The following PPP1R1C variants were observed in gnomAD, a reference collection of about 807,000 sequenced individuals.
PPP1R1C encodes protein phosphatase 1 regulatory inhibitor subunit 1C.
A neutral mutation model predicts 17.4 loss-of-function variants in PPP1R1C; 15 were observed. The ratio of observed to expected loss-of-function variants is 0.86; its 90% CI spans 0.58 to 1.33. PPP1R1C has a LOEUF of 1.33. Ranked by LOEUF, PPP1R1C falls within the 40% of genes most tolerant of loss-of-function variation. The pLI is 0.00. For missense variants in PPP1R1C, 143 were observed against 130.0 expected, an observed-to-expected ratio of 1.10 and a Z score of -0.48; for synonymous variants, 35 against 43.1, an observed-to-expected ratio of 0.81 and a Z score of 0.73.
chr2:181,986,338 A>G, intron 1 of PPP1R1C, 147 bp downstream of exon 1: 1 of 653,430 alleles, frequency 1.5e-6, no homozygotes, highest in Non-Finnish European at 2.7e-6. Context: ...TGGTTTTTAC[A>G]CATACTTGTA....
intron 1 of PPP1R1C, among the ~76,000 whole-genome samples, chr2:181,959,189 T>C (rs567568315): frequency 6.6e-6 from 1 of 152,362 alleles, no homozygotes; most frequent in South Asian, 2.1e-4. Context: ...TAGCTTGTTT[T>C]TTAAACTGTC....
At chr2:182,130,054 C>A (rs758488264), downstream of PPP1R1C, 14 of 152,008 alleles carry the variant, frequency 9.2e-5, no homozygotes, top group Admixed American at 1.3e-4. Flanking sequence ...TTAAAAATAA[C>A]CTTTATCATG....
intron 5 of PPP1R1C, among the ~76,000 whole-genome samples, chr2:182,123,361 T>C: frequency 6.6e-6 from 1 of 152,244 alleles, no homozygotes; most frequent in East Asian, 1.9e-4. Flanking sequence ...CCTTTAGGTA[T>C]GTACCCAGAA....
At chr2:182,084,522 G>A (rs1688572734) in intron 4 of PPP1R1C, among the ~76,000 whole-genome samples, 1 of 152,040 alleles carries the variant, frequency 6.6e-6, no homozygotes, top group Non-Finnish European at 1.5e-5. Flanking sequence ...ATTAAGTAGG[G>A]TGTCCTTTCC....
Position 182,051,948 on chromosome 2 carries a change from C to T in PPP1R1C, c.143-9494C>T, listed in dbSNP as rs530581446. Among the ~76,000 whole-genome samples, 20 of 151,492 alleles carry T rather than the reference C, an allele frequency of 1.3e-4. No individual in the cohort carries two copies. The East Asian group carries it at 2.1e-3, about 16-fold the overall frequency. On this transcript the variant is annotated intron_variant, in intron 2 of 4. Transcript: ENST00000682840. Reference sequence around the variant, plus strand: ...CCAGGAGGCTGAGGTTGCAGTGAGCCGCTGAGATCGCGCCGTTGCACTCCA... The same window carrying T: ...CCAGGAGGCTGAGGTTGCAGTGAGCTGCTGAGATCGCGCCGTTGCACTCCA...
intron 4 of PPP1R1C, among the ~76,000 whole-genome samples, chr2:182,064,880 T>C (rs780459237): frequency 6.6e-6 from 1 of 152,230 alleles, no homozygotes; most frequent in Non-Finnish European, 1.5e-5. Context: ...AGTTTTGGCA[T>C]GAATGGGCAA....
At chr2:182,121,684 A>G (rs1486707429), downstream of PPP1R1C, among the ~76,000 whole-genome samples, 1 of 151,778 alleles carries the variant, frequency 6.6e-6, no homozygotes, top group Non-Finnish European at 1.5e-5. Context: ...TTTGTATTTT[A>G]GTAGAGACGG....
chr2:182,039,050 T>A (rs1238184935), intron 2 of PPP1R1C, among the ~76,000 whole-genome samples: 1 of 152,204 alleles, frequency 6.6e-6, no homozygotes, highest in African/African-American at 2.4e-5. Flanking sequence ...TTGGAGTAGA[T>A]GTTCTTTATG....
chr2:182,021,428 T>C (rs1275456320), intron 2 of PPP1R1C, among the ~76,000 whole-genome samples: 1 of 148,404 alleles, frequency 6.7e-6, no homozygotes, highest in East Asian at 2.0e-4. Flanking sequence ...CTTGGGTTCA[T>C]GCAACTCTCC....
chr2:182,055,569 G>A (rs896519000), intron 2 of PPP1R1C, among the ~76,000 whole-genome samples: 9 of 151,978 alleles, frequency 5.9e-5, no homozygotes, highest in African/African-American at 1.5e-4. Context: ...AATTCTCTTG[G>A]TTTCCTTTGT....
chr2:182,081,972 C>T (rs1396452599), intron 4 of PPP1R1C, among the ~76,000 whole-genome samples: 4 of 152,076 alleles, frequency 2.6e-5, no homozygotes, highest in Non-Finnish European at 5.9e-5. Context: ...TGACTACATA[C>T]CTCCCTATGC....
At chr2:182,057,830 A>C (rs1277052037) in intron 2 of PPP1R1C, among the ~76,000 whole-genome samples, 1 of 152,124 alleles carries the variant, frequency 6.6e-6, no homozygotes, top group African/African-American at 2.4e-5. Context: ...TTGCTCTTCA[A>C]AATACACGCA....
At chr2:182,094,941 G>A (rs112181873) in intron 4 of PPP1R1C, among the ~76,000 whole-genome samples, 1 of 152,264 alleles carries the variant, frequency 6.6e-6, no homozygotes, top group East Asian at 1.9e-4. Context: ...GTAAGCCAAG[G>A]AGTATCTATG....
intron 1 of PPP1R1C, among the ~76,000 whole-genome samples, chr2:181,955,395 T>C (rs942982151): frequency 5.3e-5 from 8 of 152,222 alleles, no homozygotes; most frequent in African/African-American, 1.9e-4. Flanking sequence ...AATTTTTTTT[T>C]CCACCAGGGA....
chr2:182,113,161 C>T (rs1006810631), intron 4 of PPP1R1C, among the ~76,000 whole-genome samples: 2 of 152,176 alleles, frequency 1.3e-5, no homozygotes, highest in Non-Finnish European at 2.9e-5. Context: ...TGATGAGGAA[C>T]TCACTCATTT....
chr2:182,017,447 C>T (rs114059472), intron 2 of PPP1R1C, among the ~76,000 whole-genome samples: 2,794 of 152,034 alleles, frequency 0.018, 71 homozygotes, highest in African/African-American at 0.064. Context: ...TCTCCTTGCT[C>T]ATTGTTTTTG....
intron 2 of PPP1R1C, among the ~76,000 whole-genome samples, chr2:182,004,150 T>A (rs1344559655): frequency 6.6e-6 from 1 of 152,226 alleles, no homozygotes; most frequent in African/African-American, 2.4e-5. Flanking sequence ...GTGTAATACT[T>A]CTTCCAGTTG....
At chr2:181,998,066 T>C (rs1289360666) in intron 2 of PPP1R1C, among the ~76,000 whole-genome samples, 1 of 152,220 alleles carries the variant, frequency 6.6e-6, no homozygotes, top group Non-Finnish European at 1.5e-5. Flanking sequence ...TCAAACTAGT[T>C]TTCTTTGACT....
intron 4 of PPP1R1C, among the ~76,000 whole-genome samples, chr2:182,077,683 C>T (rs1227828109): frequency 2.6e-5 from 4 of 152,054 alleles, no homozygotes; most frequent in African/African-American, 7.2e-5. Flanking sequence ...AGTAGAGCCT[C>T]CTAGGAGAGT....
Sources: allele counts gnomAD v4.1 joint callset (sites outside exome capture counted in the v4.1 genomes callset), GRCh38; gene constraint gnomAD v4.1.1; transcripts MANE v1.5; gene names NCBI Gene and HGNC (gene_info 2026-07-23, HGNC 2026-07-21).